ACOXL: variants seen among roughly 807,000 people sequenced by gnomAD.
ACOXL encodes acyl-CoA oxidase like.
In ACOXL, 70 loss-of-function variants were observed where a neutral mutation model predicts 71.9. The observed-to-expected ratio is 0.97, with a 90% confidence interval of 0.80 to 1.19. The LOEUF (loss-of-function observed/expected upper bound fraction) is 1.19, where lower values mean the gene tolerates loss of function less well. Ranked by LOEUF, ACOXL falls within the 50% of genes most tolerant of loss-of-function variation. The pLI is 0.00. For synonymous variants in ACOXL, 253 were observed against 281.6 expected (o/e 0.90, Z 1.02); for missense variants, 703 against 736.3 (o/e 0.95, Z 0.52).
intron 9 of ACOXL, among the ~76,000 whole-genome samples, chr2:110,839,989 T>TTTGTTGTTGTTGTTGTTTG: frequency 6.6e-6 from 1 of 151,854 alleles, no homozygotes; most frequent in African/African-American, 2.4e-5. Context: ...GTTGTTGTTG[T>TTTGTTGTTGTTGTTGTTTG]TTGTTGTTGT....
At chr2:111,083,912 C>T (rs894192486) in intron 16 of ACOXL, among the ~76,000 whole-genome samples, 5 of 152,034 alleles carry the variant, frequency 3.3e-5, no homozygotes, top group Non-Finnish European at 7.4e-5. Flanking sequence ...GTGTCTGACA[C>T]ATAGTAGGTG....
At chr2:110,794,600 G>T (rs17041537) in intron 5 of ACOXL, among the ~76,000 whole-genome samples, 2 of 152,166 alleles carry the variant, frequency 1.3e-5, no homozygotes, top group East Asian at 3.9e-4. Context: ...ACCTTATCAG[G>T]AGCTGAGTCT....
Position 110,996,106 on chromosome 2 carries a change from A to C in ACOXL, c.1281+102A>C, listed in dbSNP as rs192328200. On this transcript the variant is annotated intron_variant, in intron 14 of 17. Coordinates refer to ENST00000439055, the MANE Select transcript of ACOXL (RefSeq NM_001142807.4). ...GTTTAGTAGAGGATGAGTCAGCCTA[A>C]TGACAAGCTCCTGGAAGCGGCTAGA... 54 of 974,320 alleles carry C rather than the reference A, an allele frequency of 5.5e-5. No homozygotes were observed. The East Asian group carries it at 1.1e-3, about 20-fold the overall frequency. 60.4% of individuals were successfully genotyped at this position (974,320 alleles called of 1,614,324 possible).
At chr2:110,943,156 GA>G (rs1358435321) in intron 12 of ACOXL, among the ~76,000 whole-genome samples, 22 of 79,666 alleles carry the variant, frequency 2.8e-4, no homozygotes, top group East Asian at 9.3e-4. Flanking sequence ...GAAAGAGAAA[GA>G]AAAAGAAAAA....
At chr2:110,879,467 A>G (rs1431847132) in intron 10 of ACOXL, among the ~76,000 whole-genome samples, 2 of 152,232 alleles carry the variant, frequency 1.3e-5, no homozygotes, top group African/African-American at 2.4e-5. Flanking sequence ...AACTGAGAAC[A>G]TATATTACCA....
chr2:110,773,888 A>T (rs544335046), intron 2 of ACOXL, among the ~76,000 whole-genome samples: 7 of 152,294 alleles, frequency 4.6e-5, no homozygotes, highest in African/African-American at 1.7e-4. Flanking sequence ...CTCTATGTAG[A>T]TTGGCACCTG....
chr2:110,952,663 G>A (rs1189579161), intron 12 of ACOXL, among the ~76,000 whole-genome samples: 2 of 152,068 alleles, frequency 1.3e-5, no homozygotes, highest in African/African-American at 2.4e-5. Flanking sequence ...GTCCAGGCTA[G>A]TCTCAAACTC....
rs541998230 is a variant in ACOXL at position 110,993,358 on chromosome 2, A to G, written c.1170-2535A>G. ...TTTCCCACCACAGATTAGTTTTTCT[A>G]TACTAGAACTTCACATAAACAGAAC... On this transcript the variant is annotated intron_variant, in intron 13 of 17. Transcript: ENST00000439055. 6.6e-5 allele frequency among the ~76,000 whole-genome samples: 10 copies of G among 152,354 alleles called. 1 individual carries two copies. The highest frequency in any genetic ancestry group is 6.2e-4 in the South Asian group (3 of 4,826).
At chr2:110,966,363 A>C (rs1186297235) in intron 12 of ACOXL, among the ~76,000 whole-genome samples, 1 of 152,174 alleles carries the variant, frequency 6.6e-6, no homozygotes, top group African/African-American at 2.4e-5. Flanking sequence ...TCCAGCAGGG[A>C]GCTGAGTCTC....
intron 12 of ACOXL, among the ~76,000 whole-genome samples, chr2:110,964,242 A>G (rs892971683): frequency 6.6e-6 from 1 of 152,204 alleles, no homozygotes; most frequent in Non-Finnish European, 1.5e-5. Context: ...GAAATACAGG[A>G]AACTTTAAGG....
intron 9 of ACOXL, among the ~76,000 whole-genome samples, chr2:110,832,476 T>A (rs1381419958): frequency 6.8e-6 from 1 of 147,600 alleles, no homozygotes; most frequent in Non-Finnish European, 1.5e-5. Flanking sequence ...AAGCGGAGCT[T>A]GCAGTGAGCC....
intron 9 of ACOXL, among the ~76,000 whole-genome samples, chr2:110,838,346 C>CTG (rs146328070): frequency 3.9e-5 from 6 of 151,956 alleles, no homozygotes; most frequent in South Asian, 2.1e-4. Flanking sequence ...TGTACATGTG[C>CTG]TGTGTGTGTG....
chr2:110,839,765 T>C (rs1004614572), intron 9 of ACOXL, among the ~76,000 whole-genome samples: 1 of 152,108 alleles, frequency 6.6e-6, no homozygotes, highest in Non-Finnish European at 1.5e-5. Context: ...ATTTCTCTTC[T>C]CATAGCTCTC....
chr2:110,879,468 T>C (rs777064595), intron 10 of ACOXL, among the ~76,000 whole-genome samples: 5 of 152,148 alleles, frequency 3.3e-5, no homozygotes, highest in African/African-American at 1.2e-4. Flanking sequence ...ACTGAGAACA[T>C]ATATTACCAA....
At chr2:110,976,030 T>G (rs1005698024) in intron 12 of ACOXL, among the ~76,000 whole-genome samples, 1 of 152,058 alleles carries the variant, frequency 6.6e-6, no homozygotes, top group South Asian at 2.1e-4. Context: ...ATTCTTGAGA[T>G]ATGAAGAAAG....
chr2:110,814,046 C>G (rs1490340999), intron 9 of ACOXL, among the ~76,000 whole-genome samples: 2 of 152,208 alleles, frequency 1.3e-5, no homozygotes, highest in Non-Finnish European at 2.9e-5. Context: ...GGGATAAACT[C>G]TGCTCACTGG....
intron 10 of ACOXL, among the ~76,000 whole-genome samples, chr2:110,888,373 G>C (rs974011383): frequency 6.6e-6 from 1 of 152,164 alleles, no homozygotes; most frequent in Non-Finnish European, 1.5e-5. Flanking sequence ...TCCCTCAAAG[G>C]ATTATTTACT....
At chr2:110,803,298 G>C (rs1005618745) in intron 8 of ACOXL, among the ~76,000 whole-genome samples, 5 of 152,216 alleles carry the variant, frequency 3.3e-5, no homozygotes, top group African/African-American at 4.8e-5. Flanking sequence ...AATCAAGACA[G>C]TGTGGTATTT....
At chr2:110,848,618 C>A (rs1692202561) in intron 10 of ACOXL, among the ~76,000 whole-genome samples, 1 of 152,160 alleles carries the variant, frequency 6.6e-6, no homozygotes, top group Non-Finnish European at 1.5e-5. Flanking sequence ...GTTAATGTAG[C>A]AGATGGATGT....
Sources: allele counts gnomAD v4.1 joint callset (sites outside exome capture counted in the v4.1 genomes callset), GRCh38; gene constraint gnomAD v4.1.1; transcripts MANE v1.5; gene names NCBI Gene and HGNC (gene_info 2026-07-23, HGNC 2026-07-21).